Variants in PER2 observed in about 807,000 individuals in gnomAD.
PER2 encodes the protein period circadian protein homolog 2.
In PER2, 66 loss-of-function variants were observed where a neutral mutation model predicts 121.0. The ratio of observed to expected loss-of-function variants is 0.55; its 90% CI spans 0.45 to 0.67. PER2 has a LOEUF of 0.67. PER2 is among the 30% of genes least tolerant of loss of function. The pLI is 0.00. For missense variants in PER2, 1,521 were observed against 1,635.0 expected (o/e 0.93, Z 1.20); for synonymous variants, 684 against 659.9 (o/e 1.04, Z -0.56).
At chr2:238,249,010 C>G in intron 22 of PER2, 52 bp downstream of exon 22, 4 of 1,572,870 alleles carry the variant, frequency 2.5e-6, no homozygotes, top group Non-Finnish European at 2.6e-6. Flanking sequence ...CAGAGAATCC[C>G]CATCACAGAG....
At chr2:238,247,131 T>C (rs13404062) in intron 22 of PER2, 9,102 of 152,460 alleles carry the variant, frequency 0.06, 949 homozygotes, top group African/African-American at 0.21. Context: ...TGCCACTCCT[T>C]CCTCAAAAGG....
chr2:238,289,070 A>T (rs1200101873), upstream of PER2: 2 of 152,158 alleles, frequency 1.3e-5, no homozygotes, highest in Admixed American at 1.3e-4. Flanking sequence ...TACGCCCTCA[A>T]GCCCGCCAGC....
upstream of PER2, chr2:238,289,953 C>T (rs1480552366): frequency 6.6e-6 from 1 of 152,210 alleles, no homozygotes; most frequent in Non-Finnish European, 1.5e-5. Flanking sequence ...TGTGTAGGCT[C>T]TCATGGGGAA....
At position 238,249,056 on chromosome 2, in the gene PER2, G is replaced by A. The variant is rs1433657987; in HGVS notation, c.3618+6C>T. On this transcript the variant is annotated splice_donor_region_variant and intron_variant, in intron 22 of 22. Transcript: ENST00000254657. Reference sequence around the variant, plus strand: ...CCATATCAGAAATCGAGTCCCGTGAGCTTACTGCCACGTCGATGGCTGCGG... The same window carrying A: ...CCATATCAGAAATCGAGTCCCGTGAACTTACTGCCACGTCGATGGCTGCGG... 6.2e-7 allele frequency: 1 copy of A among 1,613,914 alleles called. No homozygotes were observed. Among genetic ancestry groups the A allele is most frequent in the South Asian group, 1.1e-5 (1 of 91,090 alleles).
the PER2 span, among the ~76,000 whole-genome samples, chr2:238,297,132 G>A: frequency 6.6e-6 from 1 of 152,186 alleles, no homozygotes; most frequent in Admixed American, 6.5e-5. Context: ...AGGCTGCACT[G>A]CCAATGCAGA....
At chr2:238,278,980 G>A (rs960190950) in intron 1 of PER2, among the ~76,000 whole-genome samples, 2 of 152,130 alleles carry the variant, frequency 1.3e-5, no homozygotes, top group Admixed American at 6.5e-5. Flanking sequence ...TTTGGGGTAG[G>A]TGGGTGGAGT....
Position 238,250,642 on chromosome 2 carries a change from G to A in PER2, c.3376C>T (p.His1126Tyr). 1.2e-6 allele frequency: 2 copies of A among 1,613,322 alleles called. No individual in the cohort carries two copies. Among genetic ancestry groups the A allele is most frequent in the Non-Finnish European group, 1.7e-6 (2 of 1,179,214 alleles). The change falls in exon 21 of 23, where the codon CAT becomes TAT. Residue 1126 changes from histidine (H) to tyrosine (Y), a missense_variant. Physicochemically the swap from His to Tyr is moderately conservative, Grantham distance 83. Transcript: ENST00000254657. ...KMNTGMEESE[H>Y]FIKCVLQDPI... ...TCCTGCAGGACGCACTTAATGAAATGCTCACTTTCTTCCATACCAGTGTTC... is the reference window on the plus strand; with the variant it reads ...TCCTGCAGGACGCACTTAATGAAATACTCACTTTCTTCCATACCAGTGTTC...
Position 238,288,524 on chromosome 2 carries a change from C to G in PER2, c.-195G>C, listed in dbSNP as rs1696860748. On this transcript the variant is annotated 5_prime_UTR_variant, in exon 1 of 23. Coordinates refer to ENST00000254657, the MANE Select transcript of PER2 (RefSeq NM_022817.3). ...GTTTCAAGCCGAGGAGTCCAGCAGC[C>G]CAAGGAACTTCCGGCGGCGCCTCCG... 1 of 152,098 alleles carries G rather than the reference C, an allele frequency of 6.6e-6. No homozygotes were observed. Among genetic ancestry groups the G allele is most frequent in the Non-Finnish European group, 1.5e-5 (1 of 67,990 alleles). 9.4% of individuals were successfully genotyped at this position (152,098 alleles called of 1,614,324 possible).
intron 8 of PER2, among the ~76,000 whole-genome samples, chr2:238,267,189 G>A (rs576757506): frequency 1.8e-4 from 27 of 152,242 alleles, no homozygotes; most frequent in Non-Finnish European, 3.2e-4. Flanking sequence ...CATGTGACTC[G>A]CTCAGCAGCC....
At chr2:238,278,987 G>C (rs1021865879) in intron 1 of PER2, among the ~76,000 whole-genome samples, 1 of 152,214 alleles carries the variant, frequency 6.6e-6, no homozygotes, top group Non-Finnish European at 1.5e-5. Context: ...TAGGTGGGTG[G>C]AGTGGCTGAA....
At chr2:238,263,201 T>C in intron 9 of PER2, 143 bp from the exon 10 acceptor site, 4 of 650,558 alleles carry the variant, frequency 6.1e-6, no homozygotes, top group Non-Finnish European at 8.1e-6. Context: ...AAAGTTGGAC[T>C]AACAGAACCA....
intron 21 of PER2, among the ~76,000 whole-genome samples, chr2:238,250,269 T>G (rs1270116984): frequency 6.6e-6 from 1 of 152,252 alleles, no homozygotes; most frequent in Non-Finnish European, 1.5e-5. Context: ...AAATTGAGCA[T>G]GGCACTGTGA....
At position 238,255,706 on chromosome 2, in the gene PER2, G is replaced by C. The variant is rs772743040; in HGVS notation, c.2271C>G (p.His757Gln). The change falls in exon 18 of 23, where the codon CAC becomes CAG. Residue 757 changes from histidine (H) to glutamine (Q), a missense_variant. Physicochemically the swap from His to Gln is conservative, Grantham distance 24 (BLOSUM62 0). Coordinates refer to ENST00000254657, the MANE Select transcript of PER2 (RefSeq NM_022817.3). ...EIRKLSIFQS[H>Q]CHYYLQERSK... Reference sequence around the variant, plus strand: ...ATCTTTCTTGCAAGTAGTAATGGCAGTGGGACTGGAAAATGCTGAGTTTTC... The same window carrying C: ...ATCTTTCTTGCAAGTAGTAATGGCACTGGGACTGGAAAATGCTGAGTTTTC... 6.2e-7 allele frequency: 1 copy of C among 1,614,058 alleles called. No individual in the cohort carries two copies. Among genetic ancestry groups the C allele is most frequent in the Admixed American group, 1.7e-5 (1 of 60,012 alleles).
chr2:238,257,123 C>A, intron 16 of PER2, 37 bp from the exon 17 acceptor site: 1 of 1,594,270 alleles, frequency 6.3e-7, no homozygotes, highest in South Asian at 1.1e-5. Flanking sequence ...ATTAGTGTGT[C>A]ATTACAATGC....
At position 238,252,967 on chromosome 2, in the gene PER2, C is replaced by T. The variant is rs773665633; in HGVS notation, c.3056G>A (p.Gly1019Glu). 7 of 1,613,962 alleles carry T rather than the reference C, an allele frequency of 4.3e-6. No homozygotes were observed. In the South Asian group the frequency reaches 5.5e-5, roughly 13 times the overall value. Reference protein sequence around the residue: ...TTGATETAAVGADCKPGTSRD... With the variant: ...TTGATETAAVEADCKPGTSRD... ...AGAAGTGCCAGGTTTGCAGTCCGCC[C>T]CTACAGCTGCTGTCTCTGTGGCCCC... Residue 1019 changes from glycine (G) to glutamate (E), a missense_variant, in exon 19 of 23, where the codon GGG (glycine) becomes GAG (glutamate). Physicochemically the swap from Gly to Glu is moderately conservative, Grantham distance 98. Transcript: ENST00000254657. This position sits in a 1 kb window ranked among gnomAD's most constrained non-coding sequence, Gnocchi z 4.2.
intron 21 of PER2, among the ~76,000 whole-genome samples, chr2:238,249,452 G>A (rs766578545): frequency 1.2e-4 from 19 of 152,182 alleles, no homozygotes; most frequent in Non-Finnish European, 2.4e-4. Context: ...TGGGAGCTGC[G>A]TATCTGCAGG....
At position 238,267,591 on chromosome 2, in the gene PER2, G is replaced by A. The variant is rs947082331; in HGVS notation, c.967+465C>T. ...GTTAGGATGGGCCAAGGTGGGGAGGGAGGGATGCCCAGCACTTCATTTCTT... is the reference window on the plus strand; with the variant it reads ...GTTAGGATGGGCCAAGGTGGGGAGGAAGGGATGCCCAGCACTTCATTTCTT... On this transcript the variant is annotated intron_variant, in intron 8 of 22. Coordinates refer to ENST00000254657, the MANE Select transcript of PER2 (RefSeq NM_022817.3). Among the ~76,000 whole-genome samples, 3 of 152,184 alleles carry A rather than the reference G, an allele frequency of 2.0e-5. No homozygotes were observed. In the East Asian group the frequency reaches 5.8e-4, roughly 29 times the overall value.
rs767901913 is a variant in PER2 at position 238,260,956 on chromosome 2, G to A, written c.1417-3C>T. 5.0e-6 allele frequency: 8 copies of A among 1,612,178 alleles called. No homozygotes were observed. Among genetic ancestry groups the A allele is most frequent in the Non-Finnish European group, 6.8e-6 (8 of 1,179,902 alleles). On this transcript the variant is annotated splice_region_variant and splice_polypyrimidine_tract_variant and intron_variant, in intron 12 of 22. Transcript: ENST00000254657. ...CTGGAGCCGCTGTGGGGGACGGGCT[G>A]GGGAGACAGCAGACAGCGCTACAGA...
At chr2:238,278,769 G>A (rs1696539041) in intron 1 of PER2, among the ~76,000 whole-genome samples, 1 of 152,124 alleles carries the variant, frequency 6.6e-6, no homozygotes, top group African/African-American at 2.4e-5. Flanking sequence ...TGGCAGGTGT[G>A]GAACCCTCCC....
Sources: gnomAD v4.1 joint callset for allele counts (sites outside exome capture counted in the v4.1 genomes callset) on GRCh38, gnomAD v4.1.1 for gene constraint, Gnocchi (gnomAD v3.1) non-coding constraint, MANE v1.5 for transcripts, NCBI Gene and HGNC (gene_info 2026-07-23, HGNC 2026-07-21) for gene names.